KCTD19: variants seen among roughly 807,000 people sequenced by gnomAD.
KCTD19 encodes the protein BTB/POZ domain-containing protein KCTD19.
Under a neutral mutation model 103.5 loss-of-function variants are expected in KCTD19, and 67 were observed. That is an observed-to-expected ratio of 0.65 (90% CI 0.53 to 0.79). The LOEUF (loss-of-function observed/expected upper bound fraction) is 0.79. KCTD19 is among the 30% of genes least tolerant of loss of function. The probability of loss-of-function intolerance (pLI) is 0.00; values close to 1 mark genes in which losing one functional copy is unlikely to be tolerated. For synonymous variants in KCTD19, 439 were observed against 452.2 expected (o/e 0.97, Z 0.37); for missense variants, 980 against 1,136.1 (o/e 0.86, Z 1.98).
chr16:67,301,462 C>T (rs1567449954), intron 5 of KCTD19: 1 of 208,528 alleles, frequency 4.8e-6, no homozygotes, highest in Non-Finnish European at 9.5e-6. Flanking sequence ...CAGACCTCCC[C>T]TGCCCCTGAG....
rs1338196709 is a variant in KCTD19, at chr16:67,296,278, T to C, written c.1148-19A>G. ...CACTCATCTATGGGAATCCAGGAGA[T>C]AGAACACATCATCATATGGCCAGAA... On this transcript the variant is annotated intron_variant, in intron 7 of 15. Coordinates refer to ENST00000304372, the MANE Select transcript of KCTD19 (RefSeq NM_001100915.3). The C allele has an allele frequency of 2.0e-6, 3 of 1,490,004 alleles. No individual in the cohort carries two copies. Among genetic ancestry groups the C allele is most frequent in the East Asian group, 4.5e-5 (2 of 44,302 alleles). 92.3% of individuals were successfully genotyped at this position (1,490,004 alleles called of 1,614,324 possible).
At chr16:67,325,222 T>G (rs78378337) in intron 1 of KCTD19, among the ~76,000 whole-genome samples, 6 of 144,978 alleles carry the variant, frequency 4.1e-5, no homozygotes, top group African/African-American at 1.6e-4. Flanking sequence ...TTTTTTTTTT[T>G]GAGACGGAGT....
chr16:67,326,576 TG>T, intron 1 of KCTD19, 128 bp downstream of exon 1: 1 of 1,296,514 alleles, frequency 7.7e-7, no homozygotes, highest in Admixed American at 2.4e-5. Context: ...CCTTCCCGGC[TG>T]GGGGCCCCTC....
chr16:67,289,757 C>T (rs1347772346), intron 15 of KCTD19, 75 bp from the exon 16 acceptor site: 8 of 1,119,156 alleles, frequency 7.1e-6, no homozygotes, highest in African/African-American at 6.1e-5. Flanking sequence ...GTGGGGTTCT[C>T]CCATTGGGGC....
rs919149035 is a variant in KCTD19, at chr16:67,323,502, G to A, written c.4-2617C>T. Among the ~76,000 whole-genome samples the A allele has an allele frequency of 1.3e-4, 20 of 152,114 alleles. No individual in the cohort carries two copies. The highest frequency in any genetic ancestry group is 9.6e-4 in the East Asian group (5 of 5,202). On this transcript the variant is annotated intron_variant, in intron 1 of 15. Coordinates refer to ENST00000304372, the MANE Select transcript of KCTD19 (RefSeq NM_001100915.3). This position sits in a 1 kb window ranked among gnomAD's most constrained non-coding sequence, Gnocchi z 4.1. The stretch of plus-strand genomic sequence containing the variant: ...CGTGCCATTGCACTCCAGCCTGGGC[G>A]TCAGAGTGAGGCACGTCTCTAAAAA...
chr16:67,296,291 CAT>C (rs2036764148), intron 7 of KCTD19, 32 bp from the exon 8 acceptor site: 1 of 1,377,474 alleles, frequency 7.3e-7, no homozygotes. Context: ...AACACATCAT[CAT>C]ATGGCCAGAA....
At chr16:67,291,176 C>T (rs1413010666) in intron 14 of KCTD19, 133 bp downstream of exon 14, 5 of 1,236,502 alleles carry the variant, frequency 4.0e-6, no homozygotes, top group South Asian at 1.5e-5. Flanking sequence ...TGTCCCACCA[C>T]TCTTCTGGCC....
chr16:67,302,297 G>A (rs984036064), intron 4 of KCTD19: 1 of 217,028 alleles, frequency 4.6e-6, no homozygotes, highest in Non-Finnish European at 9.2e-6. Flanking sequence ...GCCGAGCCTG[G>A]GCTGGCGGGT....
At chr16:67,314,526 T>G (rs2036982001) in intron 2 of KCTD19, among the ~76,000 whole-genome samples, 1 of 152,016 alleles carries the variant, frequency 6.6e-6, no homozygotes, top group African/African-American at 2.4e-5. Context: ...TTGCCTGTTC[T>G]GCACATTTTA....
At chr16:67,325,199 CTTTTTTTCTTTTTTTT>C (rs1474570682) in intron 1 of KCTD19, among the ~76,000 whole-genome samples, 5 of 132,334 alleles carry the variant, frequency 3.8e-5, no homozygotes, top group Non-Finnish European at 7.6e-5. Context: ...TTCTTTTTTT[CTTTTTTTCTTTTTTTT>C]TTTTTTTGAG....
Position 67,303,108 on chromosome 16 carries a change from C to CGGGGGGGGGGGGG in KCTD19, c.643+37_643+38insCCCCCCCCCCCCC. On this transcript the variant is annotated intron_variant, in intron 4 of 15. Coordinates refer to ENST00000304372, the MANE Select transcript of KCTD19 (RefSeq NM_001100915.3). The surrounding 1 kb of genome is among the most constrained non-coding windows in gnomAD (Gnocchi z 4.3). ...ATGGGGAGGGGTGAATGGGCCCTAT[C>CGGGGGGGGGGGGG]AGCCCGCCCCCCACCCCACCCCGGA... 8.8e-6 allele frequency: 7 copies of CGGGGGGGGGGGGG among 798,076 alleles called. No homozygotes were observed. The highest frequency in any genetic ancestry group is 1.3e-5 in the Non-Finnish European group (6 of 476,660). The allele number at this position is 798,076 out of a possible 1,614,324, so 49.4% of individuals were successfully genotyped here. A position where few individuals can be genotyped will look rare whatever the true frequency, so the allele number is the denominator to read the frequency against.
At chr16:67,321,937 C>T (rs2037078999) in intron 1 of KCTD19, 1 of 152,988 alleles carries the variant, frequency 6.5e-6, no homozygotes, top group Non-Finnish European at 1.5e-5. Flanking sequence ...CCAAATCAAC[C>T]CTGGCAATCA....
At chr16:67,297,460 C>A (rs1358336872) in intron 7 of KCTD19, 43 bp downstream of exon 7, 1 of 1,591,088 alleles carries the variant, frequency 6.3e-7, no homozygotes, top group Non-Finnish European at 8.6e-7. Flanking sequence ...CTCCCAGATA[C>A]TCCCCTGATG....
Position 67,303,005 on chromosome 16 carries a change from C to G in KCTD19, c.643+141G>C. 1.4e-6 allele frequency: 1 copy of G among 715,764 alleles called. No homozygotes were observed. The highest frequency in any genetic ancestry group is 1.8e-5 in the African/African-American group (1 of 55,692). 44.3% of individuals were successfully genotyped at this position (715,764 alleles called of 1,614,324 possible). A position where few individuals can be genotyped will look rare whatever the true frequency, so the allele number is the denominator to read the frequency against. ...GAATCTGCTTGCTTCCTGGAAGGCT[C>G]TGTCATGCTTCCGCTACCTCTGCCC... On this transcript the variant is annotated intron_variant, in intron 4 of 15. Coordinates refer to ENST00000304372, the MANE Select transcript of KCTD19 (RefSeq NM_001100915.3). The surrounding 1 kb of genome is among the most constrained non-coding windows in gnomAD (Gnocchi z 4.3).
intron 2 of KCTD19, among the ~76,000 whole-genome samples, chr16:67,318,703 T>A (rs1220070877): frequency 6.6e-6 from 1 of 152,030 alleles, no homozygotes; most frequent in African/African-American, 2.4e-5. Flanking sequence ...ATTGCCTTGA[T>A]CTCTGATTTT....
In KCTD19 at chr16:67,291,699, G is replaced by A. The variant is rs558927777; in HGVS notation, c.2357C>T (p.Thr786Met). 30 of 1,614,108 alleles carry A rather than the reference G, an allele frequency of 1.9e-5. No individual in the cohort carries two copies. Among genetic ancestry groups the A allele is most frequent in the Admixed American group, 8.3e-5 (5 of 60,018 alleles). Residue 786 changes from threonine to methionine, a missense_variant, in exon 13 of 16, where the codon ACG (threonine) becomes ATG (methionine). Physicochemically the swap from Thr to Met is moderately conservative, Grantham distance 81 (BLOSUM62 -1). Transcript: ENST00000304372. ...MFFEDSIIYT[T>M]EMDNLRHTTP... ...TGTGTGCCTGAGGTTGTCCATCTCC[G>A]TGGTATAGATGATGCTGTCCTCAAA...
intron 2 of KCTD19, among the ~76,000 whole-genome samples, chr16:67,315,567 C>T (rs1484815973): frequency 2.0e-5 from 3 of 152,088 alleles, no homozygotes; most frequent in African/African-American, 2.4e-5. Context: ...CTGTAACCTC[C>T]GCCTCCCGGG....
intron 2 of KCTD19, among the ~76,000 whole-genome samples, chr16:67,309,145 GAAAA>G (rs1213860985): frequency 1.4e-5 from 2 of 143,254 alleles, no homozygotes; most frequent in African/African-American, 2.6e-5. Context: ...AAAAAAAAAA[GAAAA>G]AAGAAAGAAA....
At position 67,302,180 on chromosome 16, in the gene KCTD19, C is replaced by T. The variant is rs185253610; in HGVS notation, c.644-258G>A. ...TTGGCCTGGGGCTCCCAAGCCAGGC[C>T]CTCCTGGTGGGCACACTGGCCCTGA... On this transcript the variant is annotated intron_variant, in intron 4 of 15. Coordinates refer to ENST00000304372, the MANE Select transcript of KCTD19 (RefSeq NM_001100915.3). 7.4e-5 allele frequency: 28 copies of T among 376,982 alleles called. 1 individual carries two copies. In the East Asian group the frequency reaches 1.4e-3, roughly 19 times the overall value. The allele number at this position is 376,982 out of a possible 1,614,324, so 23.4% of individuals were successfully genotyped here. A position where few individuals can be genotyped will look rare whatever the true frequency, so the allele number is the denominator to read the frequency against.
Sources: allele counts gnomAD v4.1 joint callset (sites outside exome capture counted in the v4.1 genomes callset), GRCh38; gene constraint gnomAD v4.1.1; non-coding constraint Gnocchi (gnomAD v3.1); transcripts MANE v1.5; gene names NCBI Gene and HGNC (gene_info 2026-07-23, HGNC 2026-07-21).